The following PIGL variants were observed in gnomAD, a reference collection of about 807,000 sequenced individuals.
The protein encoded by PIGL is N-acetylglucosaminyl-phosphatidylinositol de-N-acetylase.
PIGL carries 22 observed loss-of-function variants against 31.1 expected under a neutral mutation model. The ratio of observed to expected loss-of-function variants is 0.71; its 90% CI spans 0.51 to 1.01. PIGL has a LOEUF of 1.01. Ranked by LOEUF, PIGL falls within the 50% of genes least tolerant of loss-of-function variation. The pLI is 0.00. For missense variants in PIGL, 302 were observed against 315.9 expected, an observed-to-expected ratio of 0.96 and a Z score of 0.33; for synonymous variants, 131 against 117.4, an observed-to-expected ratio of 1.12 and a Z score of -0.75.
chr17:16,257,332 G>A (rs778579295), intron 2 of PIGL, among the ~76,000 whole-genome samples: 2 of 152,152 alleles, frequency 1.3e-5, no homozygotes, highest in East Asian at 1.9e-4. Flanking sequence ...CAGGAGAATC[G>A]CTTGAACCCA....
intron 1 of PIGL, 95 bp from the exon 2 acceptor site, chr17:16,233,876 C>T: frequency 1.5e-6 from 1 of 653,962 alleles, no homozygotes; most frequent in South Asian, 1.9e-5. Context: ...CAGCTTAAAT[C>T]CTTTAAGGAA....
chr17:16,263,079 T>C (rs1003166176), intron 2 of PIGL, among the ~76,000 whole-genome samples: 2 of 78,724 alleles, frequency 2.5e-5, no homozygotes, highest in African/African-American at 7.8e-5. Context: ...GGGTTTATTA[T>C]AATATGGTTT....
At chr17:16,300,037 G>A in intron 3 of PIGL, 59 bp downstream of exon 3, 1 of 1,369,136 alleles carries the variant, frequency 7.3e-7, no homozygotes, top group Non-Finnish European at 1.0e-6. Context: ...CACACCAGGT[G>A]GTTTCTGTAA....
At chr17:16,290,721 C>T (rs2092956869) in intron 2 of PIGL, among the ~76,000 whole-genome samples, 1 of 152,074 alleles carries the variant, frequency 6.6e-6, no homozygotes, top group Non-Finnish European at 1.5e-5. Context: ...CTGTTTCTCA[C>T]CCAGGTTGCA....
chr17:16,266,975 C>T (rs1480901779), intron 2 of PIGL, among the ~76,000 whole-genome samples: 1 of 151,044 alleles, frequency 6.6e-6, no homozygotes, highest in Non-Finnish European at 1.5e-5. Context: ...TTCCAAACAG[C>T]ACCATCCCAG....
intron 2 of PIGL, among the ~76,000 whole-genome samples, chr17:16,267,830 G>A (rs1034228305): frequency 1.3e-5 from 2 of 152,192 alleles, no homozygotes. Context: ...CCCAGGGGGT[G>A]CAACTTGGAG....
chr17:16,265,708 C>T (rs533366861), intron 2 of PIGL, among the ~76,000 whole-genome samples: 28 of 151,298 alleles, frequency 1.9e-4, no homozygotes, highest in African/African-American at 6.6e-4. Flanking sequence ...CCACTGCACT[C>T]GTAGCATGGG....
At chr17:16,325,309 C>T (rs1244746657) in intron 6 of PIGL, among the ~76,000 whole-genome samples, 1 of 130,068 alleles carries the variant, frequency 7.7e-6, no homozygotes, top group Non-Finnish European at 1.6e-5. Context: ...CGCGCCACTG[C>T]ACTCCAGCCT....
chr17:16,252,066 C>CTTTTTTTT (rs66540057), intron 2 of PIGL, among the ~76,000 whole-genome samples: 5 of 123,828 alleles, frequency 4.0e-5, no homozygotes, highest in East Asian at 2.5e-4. Context: ...TTTTTTTTTC[C>CTTTTTTTT]TTTTTTTTTT....
chr17:16,264,505 G>A (rs750034038), intron 2 of PIGL, among the ~76,000 whole-genome samples: 4 of 151,982 alleles, frequency 2.6e-5, no homozygotes, highest in Admixed American at 6.6e-5. Flanking sequence ...TAACTGCCTA[G>A]CTCTTTGAAA....
chr17:16,264,263 C>T (rs1356211861), intron 2 of PIGL, among the ~76,000 whole-genome samples: 1 of 152,026 alleles, frequency 6.6e-6, no homozygotes, highest in African/African-American at 2.4e-5. Context: ...CCGCCTCAGC[C>T]TCCCAAAGTG....
chr17:16,324,946 A>G (rs963977861), intron 6 of PIGL, among the ~76,000 whole-genome samples: 1 of 152,122 alleles, frequency 6.6e-6, no homozygotes, highest in African/African-American at 2.4e-5. Flanking sequence ...GACCTCCCCA[A>G]ACGACCTAAC....
intron 2 of PIGL, among the ~76,000 whole-genome samples, chr17:16,266,820 A>G (rs1213282760): frequency 6.8e-6 from 1 of 147,716 alleles, no homozygotes; most frequent in Non-Finnish European, 1.5e-5. Context: ...GATGGTCTCG[A>G]TCTCCTGACC....
chr17:16,315,204 C>G (rs1222938354), intron 4 of PIGL, among the ~76,000 whole-genome samples: 3 of 152,204 alleles, frequency 2.0e-5, no homozygotes, highest in Non-Finnish European at 4.4e-5. Flanking sequence ...GCCACAGGCT[C>G]TCAGCACGAA....
intron 2 of PIGL, chr17:16,281,985 G>C (rs779097588): frequency 8.1e-6 from 4 of 492,266 alleles, no homozygotes; most frequent in Non-Finnish European, 1.3e-5. Context: ...TGGAAGGGGG[G>C]CGACAGCTGT....
intron 2 of PIGL, among the ~76,000 whole-genome samples, chr17:16,239,935 C>A (rs1402607116): frequency 6.6e-6 from 1 of 151,962 alleles, no homozygotes; most frequent in Non-Finnish European, 1.5e-5. Flanking sequence ...TTTAACTTTT[C>A]GTAGAGATGG....
chr17:16,232,323 C>T (rs1479704589), intron 1 of PIGL, among the ~76,000 whole-genome samples: 1 of 152,048 alleles, frequency 6.6e-6, no homozygotes, highest in Non-Finnish European at 1.5e-5. Flanking sequence ...CATCCTAATG[C>T]TTTTTCTCCA....
At chr17:16,238,865 C>T (rs949561003) in intron 2 of PIGL, among the ~76,000 whole-genome samples, 4 of 146,406 alleles carry the variant, frequency 2.7e-5, no homozygotes, top group African/African-American at 1.0e-4. Flanking sequence ...GCTGAGATCA[C>T]GCCGCTGCAC....
chr17:16,280,059 GC>G (rs1161748510), intron 2 of PIGL, among the ~76,000 whole-genome samples: 2 of 152,338 alleles, frequency 1.3e-5, no homozygotes, highest in East Asian at 3.9e-4. Flanking sequence ...AGAAGCCCAG[GC>G]ACATGGACAT....
Sources: gnomAD v4.1 joint callset for allele counts (sites outside exome capture counted in the v4.1 genomes callset) on GRCh38, gnomAD v4.1.1 for gene constraint, MANE v1.5 for transcripts, NCBI Gene and HGNC (gene_info 2026-07-23, HGNC 2026-07-21) for gene names.